Variants in LEKR1 observed in about 807,000 individuals in gnomAD.
The protein encoded by LEKR1 is protein LEKR1.
In LEKR1, 59 loss-of-function variants were observed where a neutral mutation model predicts 72.4. The observed-to-expected ratio is 0.82, with a 90% confidence interval of 0.66 to 1.01. The LOEUF is 1.01. Ranked by LOEUF, LEKR1 falls within the 50% of genes least tolerant of loss-of-function variation. LEKR1 has a pLI of 0.00. For synonymous variants in LEKR1, 257 were observed against 263.2 expected (o/e 0.98, Z 0.23); for missense variants, 728 against 759.2 (o/e 0.96, Z 0.48).
chr3:157,018,270 A>G (rs1254265938), intron 10 of LEKR1, among the ~76,000 whole-genome samples: 2 of 152,182 alleles, frequency 1.3e-5, no homozygotes, highest in Admixed American at 6.5e-5. Flanking sequence ...GATTTATACA[A>G]TGGAAAATGG....
At chr3:156,909,066 G>A (rs1027315953) in intron 3 of LEKR1, among the ~76,000 whole-genome samples, 4 of 152,202 alleles carry the variant, frequency 2.6e-5, no homozygotes, top group Admixed American at 2.6e-4. Context: ...TTTATAAGGG[G>A]AAAACCCCTT....
At chr3:156,961,198 C>G (rs1319914672) in intron 6 of LEKR1, among the ~76,000 whole-genome samples, 2 of 152,228 alleles carry the variant, frequency 1.3e-5, no homozygotes, top group African/African-American at 4.8e-5. Flanking sequence ...TAGTAAATAA[C>G]ACAAATACTT....
At chr3:156,922,682 T>C (rs1724323244) in intron 4 of LEKR1, among the ~76,000 whole-genome samples, 2 of 152,204 alleles carry the variant, frequency 1.3e-5, no homozygotes, top group African/African-American at 4.8e-5. Flanking sequence ...AGTTGGCACA[T>C]TGGTTGGCTC....
At chr3:157,028,059 C>G in intron 11 of LEKR1, 44 bp from the exon 12 acceptor site, 1 of 1,296,126 alleles carries the variant, frequency 7.7e-7, no homozygotes, top group Non-Finnish European at 1.1e-6. Context: ...CTGTGGTTAC[C>G]TAGAAACTAT....
intron 12 of LEKR1, among the ~76,000 whole-genome samples, chr3:157,040,560 G>A (rs372183315): frequency 2.6e-5 from 4 of 152,214 alleles, no homozygotes; most frequent in African/African-American, 9.6e-5. Context: ...AAGCCTGGAA[G>A]CCTTTGAATG....
At chr3:156,883,018 G>GGC (rs1553794111) in intron 3 of LEKR1, among the ~76,000 whole-genome samples, 9 of 151,172 alleles carry the variant, frequency 6.0e-5, no homozygotes, top group African/African-American at 2.2e-4. Flanking sequence ...GGGGGGAGGG[G>GGC]GGAGAGATAG....
At chr3:156,979,348 G>A (rs1729978329) in intron 7 of LEKR1, 73 bp downstream of exon 7, 1 of 646,698 alleles carries the variant, frequency 1.5e-6, no homozygotes, top group Admixed American at 2.4e-5. Flanking sequence ...GAATTAGGAA[G>A]AAATGACAAG....
chr3:156,856,142 T>G (rs1037114121), intron 3 of LEKR1, among the ~76,000 whole-genome samples: 4 of 152,208 alleles, frequency 2.6e-5, no homozygotes, highest in African/African-American at 9.6e-5. Context: ...TAATTTTGTA[T>G]ATAATTTGAG....
intron 9 of LEKR1, among the ~76,000 whole-genome samples, chr3:157,006,940 G>A (rs867609091): frequency 6.6e-6 from 1 of 152,174 alleles, no homozygotes; most frequent in East Asian, 1.9e-4. Context: ...GGCGGCTCAC[G>A]CCTGTAATCC....
Position 156,959,949 on chromosome 3 carries a change from C to G in LEKR1, c.745+17235C>G, listed in dbSNP as rs146574520. Among the ~76,000 whole-genome samples the G allele has an allele frequency of 2.5e-4, 38 of 152,224 alleles. No homozygotes were observed. In the South Asian group the frequency reaches 7.7e-3, roughly 31 times the overall value. On this transcript the variant is annotated intron_variant, in intron 6 of 12. Coordinates refer to ENST00000356539, the MANE Select transcript of LEKR1 (RefSeq NM_001004316.3). ...TCTCTGCTGTACCTTTCATCCCCCC[C>G]ACCCATGTTCCCTACCAATGTGGTA...
intron 3 of LEKR1, among the ~76,000 whole-genome samples, chr3:156,882,301 A>G (rs1018413459): frequency 3.3e-5 from 5 of 151,104 alleles, no homozygotes; most frequent in East Asian, 1.9e-4. Flanking sequence ...AAACAAATTT[A>G]CAAGAAAAAA....
At chr3:156,988,874 C>T (rs572651050) in intron 7 of LEKR1, among the ~76,000 whole-genome samples, 1 of 152,268 alleles carries the variant, frequency 6.6e-6, no homozygotes, top group Non-Finnish European at 1.5e-5. Flanking sequence ...CACTGTCGCC[C>T]AGGCTGGAGT....
chr3:156,964,414 A>G (rs1183182737), intron 6 of LEKR1, among the ~76,000 whole-genome samples: 1 of 152,118 alleles, frequency 6.6e-6, no homozygotes, highest in African/African-American at 2.4e-5. Flanking sequence ...ATTATGATAA[A>G]CATCCTCATA....
chr3:156,952,204 A>G (rs941898628), intron 6 of LEKR1, among the ~76,000 whole-genome samples: 4 of 151,498 alleles, frequency 2.6e-5, no homozygotes, highest in Non-Finnish European at 5.9e-5. Flanking sequence ...TCGACCTGGA[A>G]TAGCTGCTGA....
intron 10 of LEKR1, among the ~76,000 whole-genome samples, chr3:157,023,218 C>T (rs1733960512): frequency 1.3e-5 from 2 of 152,142 alleles, no homozygotes; most frequent in African/African-American, 4.8e-5. Flanking sequence ...ATAATCCTGG[C>T]ACAGTATAAA....
At chr3:156,904,400 C>G (rs1041399708) in intron 3 of LEKR1, among the ~76,000 whole-genome samples, 1 of 148,914 alleles carries the variant, frequency 6.7e-6, no homozygotes. Context: ...TATATAAGCT[C>G]TATAATACAG....
At chr3:156,857,833 G>T (rs1351292208) in intron 3 of LEKR1, among the ~76,000 whole-genome samples, 1 of 152,142 alleles carries the variant, frequency 6.6e-6, no homozygotes, top group African/African-American at 2.4e-5. Context: ...AGGTGAGGTT[G>T]GCCTATAGTT....
chr3:156,848,493 A>G (rs548002035), intron 2 of LEKR1, among the ~76,000 whole-genome samples: 25 of 152,322 alleles, frequency 1.6e-4, no homozygotes, highest in African/African-American at 5.0e-4. Context: ...CATTTTATGT[A>G]GGATTACTAG....
In LEKR1 at chr3:156,882,398, A is replaced by G. The variant is rs1719490322; in HGVS notation, c.263+29416A>G. Among the ~76,000 whole-genome samples, 4 of 152,292 alleles carry G rather than the reference A, an allele frequency of 2.6e-5. No individual in the cohort carries two copies. The South Asian group carries it at 8.3e-4, about 32-fold the overall frequency. ...TTTATGCAGCCAAAAGACACATGAA[A>G]AAATGCTCACCATCACTGGCCATCA... On this transcript the variant is annotated intron_variant, in intron 3 of 12. Coordinates refer to ENST00000356539, the MANE Select transcript of LEKR1 (RefSeq NM_001004316.3).
Sources: gnomAD v4.1 joint callset for allele counts (sites outside exome capture counted in the v4.1 genomes callset) on GRCh38, gnomAD v4.1.1 for gene constraint, MANE v1.5 for transcripts, NCBI Gene and HGNC (gene_info 2026-07-23, HGNC 2026-07-21) for gene names.